Variants in GREM2 observed in about 807,000 individuals in gnomAD.
The protein encoded by GREM2 is gremlin-2.
A neutral mutation model predicts 14.2 loss-of-function variants in GREM2; 11 were observed. The ratio of observed to expected loss-of-function variants is 0.78; its 90% CI spans 0.49 to 1.28. The LOEUF (loss-of-function observed/expected upper bound fraction) is 1.28. GREM2 is among the 50% of genes most tolerant of loss of function. GREM2 has a pLI of 0.00. For missense variants in GREM2, 210 were observed against 218.5 expected, an observed-to-expected ratio of 0.96 and a Z score of 0.24; for synonymous variants, 98 against 97.6, an observed-to-expected ratio of 1.00 and a Z score of -0.02.
chr1:240,578,676 C>T (rs1033825570), intron 1 of GREM2, among the ~76,000 whole-genome samples: 4 of 151,770 alleles, frequency 2.6e-5, no homozygotes, highest in Non-Finnish European at 5.9e-5. Context: ...TCCCTCTACT[C>T]GGGAGGCTGA....
chr1:240,561,051 C>T (rs1679027320), intron 1 of GREM2, among the ~76,000 whole-genome samples: 1 of 152,126 alleles, frequency 6.6e-6, no homozygotes. Context: ...AATAGATAAG[C>T]ATCAATTGCT....
chr1:240,594,096 G>A (rs1443576189), intron 1 of GREM2, among the ~76,000 whole-genome samples: 3 of 151,986 alleles, frequency 2.0e-5, no homozygotes, highest in Non-Finnish European at 4.4e-5. Context: ...TGGGACCACA[G>A]GCACACAACA....
chr1:240,574,781 A>G (rs1371950187), intron 1 of GREM2, among the ~76,000 whole-genome samples: 1 of 152,126 alleles, frequency 6.6e-6, no homozygotes, highest in Admixed American at 6.5e-5. Context: ...AAATGCAACA[A>G]GATATATTGA....
chr1:240,601,958 A>G (rs1320373162), intron 1 of GREM2, among the ~76,000 whole-genome samples: 1 of 152,056 alleles, frequency 6.6e-6, no homozygotes, highest in East Asian at 1.9e-4. Flanking sequence ...AATACCTGGA[A>G]CATATAGTAA....
At chr1:240,513,910 A>G (rs1677892192) in intron 1 of GREM2, among the ~76,000 whole-genome samples, 1 of 152,160 alleles carries the variant, frequency 6.6e-6, no homozygotes, top group Non-Finnish European at 1.5e-5. Flanking sequence ...AGTTTGCACT[A>G]GGGTGGTAGT....
At chr1:240,500,497 G>T (rs1677546868) in intron 1 of GREM2, among the ~76,000 whole-genome samples, 1 of 151,950 alleles carries the variant, frequency 6.6e-6, no homozygotes, top group South Asian at 2.1e-4. Context: ...TAGAGACAAG[G>T]TTTCACCGTG....
At chr1:240,561,725 C>A (rs1471773969) in intron 1 of GREM2, among the ~76,000 whole-genome samples, 1 of 150,918 alleles carries the variant, frequency 6.6e-6, no homozygotes, top group African/African-American at 2.5e-5. Context: ...CACACACACA[C>A]AAACTGCCAT....
intron 1 of GREM2, among the ~76,000 whole-genome samples, chr1:240,495,806 C>A (rs1466473979): frequency 1.3e-5 from 2 of 152,130 alleles, no homozygotes; most frequent in African/African-American, 4.8e-5. Flanking sequence ...CCACAAGAGG[C>A]CTTTGCATGC....
At chr1:240,512,240 T>G (rs1558143623) in intron 1 of GREM2, among the ~76,000 whole-genome samples, 1 of 152,132 alleles carries the variant, frequency 6.6e-6, no homozygotes, top group Non-Finnish European at 1.5e-5. Flanking sequence ...AAAGAATATA[T>G]GTGACTAGAG....
At chr1:240,590,023 G>A (rs1679675312) in intron 1 of GREM2, among the ~76,000 whole-genome samples, 1 of 152,156 alleles carries the variant, frequency 6.6e-6, no homozygotes, top group Non-Finnish European at 1.5e-5. Context: ...GGTGGGAGGT[G>A]GAAGAGATGT....
At chr1:240,547,562 T>C (rs535437384) in intron 1 of GREM2, among the ~76,000 whole-genome samples, 12 of 147,614 alleles carry the variant, frequency 8.1e-5, no homozygotes, top group Non-Finnish European at 1.5e-4. Flanking sequence ...GATAGACAGA[T>C]AGATATGAAT....
intron 1 of GREM2, among the ~76,000 whole-genome samples, chr1:240,518,178 G>A (rs1677991247): frequency 6.6e-6 from 1 of 152,068 alleles, no homozygotes; most frequent in Non-Finnish European, 1.5e-5. Flanking sequence ...CATAATTCCT[G>A]CCAATCATGT....
At chr1:240,587,068 C>G (rs74149172) in intron 1 of GREM2, among the ~76,000 whole-genome samples, 12,633 of 152,088 alleles carry the variant, frequency 0.083, 1,537 homozygotes, top group African/African-American at 0.27. Flanking sequence ...GCTCTTGGGT[C>G]TGATTATTTT....
intron 1 of GREM2, among the ~76,000 whole-genome samples, chr1:240,578,939 C>T (rs73113784): frequency 0.015 from 2,357 of 152,262 alleles, 34 homozygotes; most frequent in African/African-American, 0.036. Context: ...GAATCTGATA[C>T]TCTGCCTTAT....
At chr1:240,593,363 G>A (rs1226927264) in intron 1 of GREM2, among the ~76,000 whole-genome samples, 3 of 151,658 alleles carry the variant, frequency 2.0e-5, no homozygotes, top group Non-Finnish European at 2.9e-5. Flanking sequence ...AAAGCATGGA[G>A]CTATGAGCTC....
intron 1 of GREM2, among the ~76,000 whole-genome samples, chr1:240,563,111 G>A (rs1318327707): frequency 6.6e-6 from 1 of 150,904 alleles, no homozygotes; most frequent in Non-Finnish European, 1.5e-5. Context: ...GTGTGTATGT[G>A]TGTATATGTG....
intron 1 of GREM2, among the ~76,000 whole-genome samples, chr1:240,522,804 T>A (rs188946861): frequency 6.6e-6 from 1 of 152,152 alleles, no homozygotes. Flanking sequence ...AAACAACCAA[T>A]GTAGATGTCC....
intron 1 of GREM2, among the ~76,000 whole-genome samples, chr1:240,592,509 A>C (rs1679732894): frequency 6.6e-6 from 1 of 152,204 alleles, no homozygotes; most frequent in Admixed American, 6.5e-5. Context: ...CTGACAAATA[A>C]GGTTTGCTGA....
rs565233450 is a variant in GREM2, at chr1:240,539,617, C to T, written c.-1-46141G>A. On this transcript the variant is annotated intron_variant, in intron 1 of 1. Transcript: ENST00000318160. Reference sequence around the variant, plus strand: ...TGGGACTTTGAAAGCCTCGAAATAACGTATCCAGGCTCTCTGGAACTCATA... The same window carrying T: ...TGGGACTTTGAAAGCCTCGAAATAATGTATCCAGGCTCTCTGGAACTCATA... 1.5e-4 allele frequency among the ~76,000 whole-genome samples: 23 copies of T among 152,208 alleles called. No homozygotes were observed. The East Asian group carries it at 1.9e-3, about 13-fold the overall frequency.
Sources: allele counts gnomAD v4.1 joint callset (sites outside exome capture counted in the v4.1 genomes callset), GRCh38; gene constraint gnomAD v4.1.1; transcripts MANE v1.5; gene names NCBI Gene and HGNC (gene_info 2026-07-23, HGNC 2026-07-21).